DCAF13: variants seen among roughly 807,000 people sequenced by gnomAD.
DCAF13 encodes the protein DDB1 and CUL4 associated factor 13, also known as DDB1- and CUL4-associated factor 13.
In DCAF13, 38 loss-of-function variants were observed where a neutral mutation model predicts 59.0. The observed-to-expected ratio is 0.64, with a 90% CI of 0.50 to 0.84. The LOEUF is 0.84. DCAF13 is among the 40% of genes least tolerant of loss of function. The pLI is 0.00. For synonymous variants in DCAF13, 173 were observed against 175.0 expected (o/e 0.99, Z 0.09); for missense variants, 469 against 558.4 (o/e 0.84, Z 1.61).
At chr8:103,419,170 C>T (rs1816687727) in intron 1 of DCAF13, among the ~76,000 whole-genome samples, 1 of 151,922 alleles carries the variant, frequency 6.6e-6, no homozygotes, top group Admixed American at 6.6e-5. Flanking sequence ...AGGCGTGAGC[C>T]ACCACGCCCG....
intron 7 of DCAF13, among the ~76,000 whole-genome samples, chr8:103,434,741 A>G (rs1449661872): frequency 6.6e-6 from 1 of 152,092 alleles, no homozygotes; most frequent in African/African-American, 2.4e-5. Context: ...TCCATTGTTC[A>G]TGTTGGTTCA....
At chr8:103,417,915 C>T (rs1353918454) in intron 1 of DCAF13, among the ~76,000 whole-genome samples, 1 of 151,700 alleles carries the variant, frequency 6.6e-6, no homozygotes, top group African/African-American at 2.4e-5. Context: ...GTCAGGAGAT[C>T]GAGACTATCC....
Position 103,442,892 on chromosome 8 carries a change from C to G in DCAF13, c.*10C>G, listed in dbSNP as rs764780251. On this transcript the variant is annotated 3_prime_UTR_variant, in exon 11 of 11. Coordinates refer to ENST00000612750, the MANE Select transcript of DCAF13 (RefSeq NM_015420.7). ...GGCAGTTGTAAAATAATTGGTATTCCTAACAATCCTGATGTATAATTATTT... is the reference window on the plus strand; with the variant it reads ...GGCAGTTGTAAAATAATTGGTATTCGTAACAATCCTGATGTATAATTATTT... 5.2e-6 allele frequency: 8 copies of G among 1,547,860 alleles called. No homozygotes were observed. Among genetic ancestry groups the G allele is most frequent in the Non-Finnish European group, 7.1e-6 (8 of 1,132,628 alleles).
intron 8 of DCAF13, among the ~76,000 whole-genome samples, chr8:103,436,261 A>G (rs1480837391): frequency 1.3e-5 from 2 of 152,206 alleles, no homozygotes; most frequent in Non-Finnish European, 2.9e-5. Flanking sequence ...AAAAATTAGT[A>G]ATAATACTTT....
At chr8:103,436,501 T>G (rs1448236242) in intron 8 of DCAF13, among the ~76,000 whole-genome samples, 1 of 152,152 alleles carries the variant, frequency 6.6e-6, no homozygotes, top group Non-Finnish European at 1.5e-5. Context: ...ATTCTAATAT[T>G]TAAGATTTTT....
Position 103,421,012 on chromosome 8 carries a change from G to A in DCAF13, c.308G>A (p.Arg103His), listed in dbSNP as rs372518680. ...AATCTAACTCAGCGGAATTGTATCC[G>A]TACAATACAAGCACATGAAGGCTTT... ...IWNLTQRNCI[R>H]TIQAHEGFVR... Residue 103 changes from arginine to histidine, a missense_variant, in exon 3 of 11, where the codon CGT becomes CAT. Physicochemically the swap from Arg to His is conservative, Grantham distance 29 (BLOSUM62 0). This residue lies in a region of DCAF13 where 355 missense variants were observed against 399.1 expected (regional missense o/e 0.89). Coordinates refer to ENST00000612750, the MANE Select transcript of DCAF13 (RefSeq NM_015420.7). 95 of 1,613,180 alleles carry A rather than the reference G, an allele frequency of 5.9e-5. No homozygotes were observed. In the East Asian group the frequency reaches 1.5e-3, roughly 25 times the overall value.
At chr8:103,425,223 A>C (rs572858345) in intron 3 of DCAF13, among the ~76,000 whole-genome samples, 1 of 152,224 alleles carries the variant, frequency 6.6e-6, no homozygotes, top group Non-Finnish European at 1.5e-5. Flanking sequence ...GCAGTTTTGT[A>C]TGTATGCAGT....
Position 103,435,630 on chromosome 8 carries a change from T to C in DCAF13, c.790T>C (p.Tyr264His), listed in dbSNP as rs748230776. Residue 264 changes from tyrosine (Y) to histidine (H), a missense_variant, in exon 8 of 11, where the codon TAT becomes CAT. By Grantham distance (83) the Tyr-to-His change is moderately conservative. Around this residue, in one of 3 missense-constraint regions of DCAF13, gnomAD observed 355 missense variants for 399.1 expected, o/e 0.89. Coordinates refer to ENST00000612750, the MANE Select transcript of DCAF13 (RefSeq NM_015420.7). The stretch of plus-strand genomic sequence containing the variant: ...TATTTAAAAATTCTTTTACAGCTTA[T>C]ATACTTTTGATATGCGTGCACTGGA... ...FTAANEDYNL[Y>H]TFDMRALDTP... 1 of 1,552,370 alleles carries C rather than the reference T, an allele frequency of 6.4e-7. No homozygotes were observed. The highest frequency in any genetic ancestry group is 1.2e-5 in the South Asian group (1 of 82,876).
chr8:103,416,629 G>C (rs1816618042), intron 1 of DCAF13, among the ~76,000 whole-genome samples: 1 of 152,054 alleles, frequency 6.6e-6, no homozygotes, highest in Admixed American at 6.6e-5. Flanking sequence ...TTCAGCACCC[G>C]TCTTCTGTGA....
At position 103,432,684 on chromosome 8, in the gene DCAF13, C is replaced by T. The variant is rs946950356; in HGVS notation, c.728C>T (p.Thr243Ile). 1 of 1,601,602 alleles carries T rather than the reference C, an allele frequency of 6.2e-7. No homozygotes were observed. Among genetic ancestry groups the T allele is most frequent in the Non-Finnish European group, 8.5e-7 (1 of 1,170,030 alleles). Residue 243 changes from threonine (T) to isoleucine (I), a missense_variant, in exon 7 of 11, where the codon ACA (threonine) becomes ATA (isoleucine). By Grantham distance (89) the Thr-to-Ile change is moderately conservative. Coordinates refer to ENST00000612750, the MANE Select transcript of DCAF13 (RefSeq NM_015420.7). ...GTTATCTTAGATATGAGAACAAATA[C>T]AATCTGTTGGAACCCTATGGAAGCT... ...KKVILDMRTNTICWNPMEAFI... is the reference protein window; with the variant it reads ...KKVILDMRTNIICWNPMEAFI...
chr8:103,425,975 T>C, intron 3 of DCAF13, 81 bp from the exon 4 acceptor site: 1 of 915,670 alleles, frequency 1.1e-6, no homozygotes, highest in Non-Finnish European at 1.8e-6. Context: ...TTAAACAAGA[T>C]ACTTATTTGA....
At chr8:103,421,413 G>C (rs1816721173) in intron 3 of DCAF13, 3 of 370,202 alleles carry the variant, frequency 8.1e-6, no homozygotes, top group South Asian at 7.0e-5. Flanking sequence ...AGGAATCATC[G>C]AAGTTTTGTG....
chr8:103,438,866 C>A (rs959495494), intron 8 of DCAF13, among the ~76,000 whole-genome samples: 1 of 152,106 alleles, frequency 6.6e-6, no homozygotes, highest in Non-Finnish European at 1.5e-5. Flanking sequence ...TTTCATCTTA[C>A]TTTTTCTGAC....
chr8:103,437,636 C>T (rs1034633425), intron 8 of DCAF13, among the ~76,000 whole-genome samples: 1 of 151,952 alleles, frequency 6.6e-6, no homozygotes, highest in African/African-American at 2.4e-5. Flanking sequence ...CTGACCTTTG[C>T]CTTTATCTGC....
rs1269885376 is a variant in DCAF13 at position 103,427,178 on chromosome 8, C to T, written c.550C>T (p.Gln184Ter). The T allele has an allele frequency of 1.2e-6, 2 of 1,613,262 alleles. No homozygotes were observed. The highest frequency in any genetic ancestry group is 1.7e-6 in the Non-Finnish European group (2 of 1,179,590). ...ACAGCAAGTAGACATTTGGGATGAA[C>T]AAAGAACTAATCCTATATGTTCAAT... is the stretch of plus-strand genomic sequence containing the variant. Reference protein sequence around the residue: ...CGQQVDIWDEQRTNPICSMTW... With the variant: ...CGQQVDIWDE Residue 184 changes from glutamine (Q) to a stop codon, truncating the protein, a stop_gained, in exon 5 of 11, where the codon CAA (glutamine) becomes TAA (stop). Coordinates refer to ENST00000612750, the MANE Select transcript of DCAF13 (RefSeq NM_015420.7). LOFTEE classifies it high-confidence loss of function.
In DCAF13 at chr8:103,421,048, T is replaced by C; in HGVS notation, c.344T>C (p.Ile115Thr). 5 of 1,613,416 alleles carry C rather than the reference T, an allele frequency of 3.1e-6. No homozygotes were observed. Among genetic ancestry groups the C allele is most frequent in the Non-Finnish European group, 4.2e-6 (5 of 1,179,418 alleles). ...GCACATGAAGGCTTTGTACGAGGAA[T>C]ATGTACTCGCTTTTGTGGGACTTCT... Reference protein sequence around the residue: ...IQAHEGFVRGICTRFCGTSFF... With the variant: ...IQAHEGFVRGTCTRFCGTSFF... Residue 115 changes from isoleucine (I) to threonine (T), a missense_variant, in exon 3 of 11, where the codon ATA (isoleucine) becomes ACA (threonine). Ile to Thr is a moderately conservative substitution (Grantham distance 89, BLOSUM62 -1). Transcript: ENST00000612750.
Position 103,443,009 on chromosome 8 carries a change from C to A in DCAF13, c.*127C>A. On this transcript the variant is annotated 3_prime_UTR_variant, in exon 11 of 11. Coordinates refer to ENST00000612750, the MANE Select transcript of DCAF13 (RefSeq NM_015420.7). ...TTATATGTGTAGAGCTTTATTGTTA[C>A]TCCTTTTAGCTACCCTGAAAAATGA... The A allele has an allele frequency of 3.6e-6, 2 of 552,594 alleles. No homozygotes were observed. 34.2% of individuals were successfully genotyped at this position (552,594 alleles called of 1,614,324 possible).
intron 8 of DCAF13, 126 bp downstream of exon 8, chr8:103,435,916 C>A: frequency 1.1e-6 from 1 of 942,524 alleles, no homozygotes; most frequent in Non-Finnish European, 1.7e-6. Flanking sequence ...TTAAACAAAA[C>A]TAGATGGTAT....
intron 4 of DCAF13, 112 bp from the exon 5 acceptor site, chr8:103,426,985 G>T: frequency 1.3e-6 from 1 of 787,388 alleles, no homozygotes; most frequent in Non-Finnish European, 1.9e-6. Flanking sequence ...AAGTTTCTTT[G>T]TGAACAGGGC....
Sources: gnomAD v4.1 joint callset for allele counts (sites outside exome capture counted in the v4.1 genomes callset) on GRCh38, gnomAD v4.1.1 for gene constraint, gnomAD v4.1.1 regional missense constraint, MANE v1.5 for transcripts, NCBI Gene and HGNC (gene_info 2026-07-23, HGNC 2026-07-21) for gene names.